Variants in SCML4 observed in about 807,000 individuals in gnomAD.
The protein encoded by SCML4 is Scm polycomb group protein like 4, also known as sex comb on midleg-like protein 4.
Under a neutral mutation model 41.1 loss-of-function variants are expected in SCML4, and 34 were observed. That is an observed-to-expected ratio of 0.83 (90% CI 0.63 to 1.10). The LOEUF is 1.10. SCML4 is among the 50% of genes least tolerant of loss of function. The probability of loss-of-function intolerance (pLI) is 0.00; values close to 1 mark genes in which losing one functional copy is unlikely to be tolerated. For synonymous variants in SCML4, 214 were observed against 220.9 expected (o/e 0.97, Z 0.28); for missense variants, 522 against 534.1 (o/e 0.98, Z 0.22).
intron 1 of SCML4, among the ~76,000 whole-genome samples, chr6:107,778,658 A>G (rs535273809): frequency 1.3e-5 from 2 of 152,332 alleles, no homozygotes; most frequent in East Asian, 3.9e-4. Context: ...AATCTAACAC[A>G]TATCAACCAA....
chr6:107,707,695 G>T (rs543685771), intron 7 of SCML4, among the ~76,000 whole-genome samples, 171 bp downstream of exon 7: 34 of 152,178 alleles, frequency 2.2e-4, no homozygotes, highest in Non-Finnish European at 4.4e-4. Context: ...AGGAGCCTGT[G>T]GTTGTACCTG....
At chr6:107,737,282 G>T (rs528502896) in intron 5 of SCML4, among the ~76,000 whole-genome samples, 39 of 152,184 alleles carry the variant, frequency 2.6e-4, no homozygotes, top group Admixed American at 5.9e-4. Flanking sequence ...ATTGGGGAAG[G>T]TTTACAGGGC....
chr6:107,721,790 C>T lies in SCML4; in HGVS notation c.683-797G>A, dbSNP rs370966516. 2.6e-4 allele frequency among the ~76,000 whole-genome samples: 39 copies of T among 152,246 alleles called. No individual in the cohort carries two copies. In the South Asian group the frequency reaches 5.4e-3, roughly 21 times the overall value. On this transcript the variant is annotated intron_variant, in intron 5 of 7. Coordinates refer to ENST00000369020, the MANE Select transcript of SCML4 (RefSeq NM_198081.5). ...CACACCTTTAGTCCTGATACAAACA[C>T]ATGAGGGCAGCCATCCTCCGCCACG...
chr6:107,725,220 T>C (rs1419901393), intron 5 of SCML4, among the ~76,000 whole-genome samples: 1 of 152,190 alleles, frequency 6.6e-6, no homozygotes, highest in African/African-American at 2.4e-5. Context: ...TAAAGACAAA[T>C]ATTTAAGGCG....
At chr6:107,808,232 G>T (rs1783888027) in intron 1 of SCML4, among the ~76,000 whole-genome samples, 1 of 152,130 alleles carries the variant, frequency 6.6e-6, no homozygotes, top group African/African-American at 2.4e-5. Flanking sequence ...ATGACAACTT[G>T]TTCTTGGCAA....
intron 1 of SCML4, among the ~76,000 whole-genome samples, chr6:107,804,752 G>A (rs1783595100): frequency 6.6e-6 from 1 of 152,138 alleles, no homozygotes; most frequent in African/African-American, 2.4e-5. Flanking sequence ...CAAGGCGGAA[G>A]GATTGCTTGA....
At position 107,702,581 on chromosome 6, in the gene SCML4, T is replaced by C. The variant is rs544311322; in HGVS notation, c.*2619A>G. Among the ~76,000 whole-genome samples, 20 of 152,318 alleles carry C rather than the reference T, an allele frequency of 1.3e-4. No homozygotes were observed. The highest frequency in any genetic ancestry group is 4.8e-4 in the African/African-American group (20 of 41,576). ...AAAAACCTGGATTGTTGTGGGATTT[T>C]TCTGGATCTCATTGTTTTCACCCTG... On this transcript the variant is annotated 3_prime_UTR_variant, in exon 8 of 8. Coordinates refer to ENST00000369020, the MANE Select transcript of SCML4 (RefSeq NM_198081.5).
At chr6:107,792,770 A>T (rs996246932) in intron 1 of SCML4, among the ~76,000 whole-genome samples, 3 of 151,926 alleles carry the variant, frequency 2.0e-5, no homozygotes, top group African/African-American at 7.3e-5. Flanking sequence ...TATCACCCCC[A>T]AATGTACCAA....
chr6:107,750,198 C>A (rs1275856766), intron 2 of SCML4, among the ~76,000 whole-genome samples: 5 of 152,198 alleles, frequency 3.3e-5, no homozygotes. Context: ...CCTGTATCCA[C>A]CCAACCAGAG....
chr6:107,743,100 G>A (rs538765213), intron 5 of SCML4, among the ~76,000 whole-genome samples: 1 of 152,224 alleles, frequency 6.6e-6, no homozygotes, highest in South Asian at 2.1e-4. Flanking sequence ...ATTCTTGTCT[G>A]TGTGATCTGA....
chr6:107,729,002 A>G (rs527928244), intron 5 of SCML4, among the ~76,000 whole-genome samples: 4 of 152,326 alleles, frequency 2.6e-5, no homozygotes, highest in South Asian at 4.1e-4. Context: ...GCTAAGCGTA[A>G]AAGTGACAGA....
At chr6:107,843,625 T>C in the SCML4 span, among the ~76,000 whole-genome samples, 3 of 152,208 alleles carry the variant, frequency 2.0e-5, no homozygotes, top group African/African-American at 7.2e-5. Context: ...CCACTGGCCC[T>C]GCCGGTAACA....
intron 5 of SCML4, among the ~76,000 whole-genome samples, chr6:107,736,324 T>C (rs1777062579): frequency 6.6e-6 from 1 of 152,226 alleles, no homozygotes. Flanking sequence ...TGTGGACATC[T>C]ATTGTGTGCA....
intron 1 of SCML4, among the ~76,000 whole-genome samples, chr6:107,782,425 G>T (rs927924208): frequency 6.6e-6 from 1 of 152,212 alleles, no homozygotes; most frequent in African/African-American, 2.4e-5. Flanking sequence ...GGCTGAGTGT[G>T]CCCCCTCCCT....
intron 1 of SCML4, among the ~76,000 whole-genome samples, chr6:107,773,176 T>C (rs1431403679): frequency 1.3e-5 from 2 of 152,172 alleles, no homozygotes; most frequent in Non-Finnish European, 2.9e-5. Flanking sequence ...GAAGCAGACA[T>C]GCTAAAATGC....
In SCML4 at chr6:107,746,904, G is replaced by A; in HGVS notation, c.287-15C>T. ...GTAGAGGCAGACTGCGGAGACAGAG[G>A]TCACAAAGCCCTCGGCATCAGGCGC... On this transcript the variant is annotated splice_polypyrimidine_tract_variant and intron_variant, in intron 3 of 7. Transcript: ENST00000369020. The A allele has an allele frequency of 6.2e-7, 1 of 1,603,224 alleles. No homozygotes were observed. Among genetic ancestry groups the A allele is most frequent in the Non-Finnish European group, 8.5e-7 (1 of 1,172,524 alleles).
intron 5 of SCML4, among the ~76,000 whole-genome samples, chr6:107,737,146 A>G (rs1456441144): frequency 6.6e-6 from 1 of 151,854 alleles, no homozygotes; most frequent in Non-Finnish European, 1.5e-5. Context: ...TCTGCTGGGG[A>G]CCCCCAGGTC....
At chr6:107,839,288 T>G in the SCML4 span, among the ~76,000 whole-genome samples, 1 of 135,258 alleles carries the variant, frequency 7.4e-6, no homozygotes, top group Non-Finnish European at 1.5e-5. Flanking sequence ...AGACAGACCC[T>G]GTCAAAAGAA....
At chr6:107,726,709 C>G (rs1366486549) in intron 5 of SCML4, among the ~76,000 whole-genome samples, 1 of 152,108 alleles carries the variant, frequency 6.6e-6, no homozygotes, top group Non-Finnish European at 1.5e-5. Context: ...CAATGAGTCA[C>G]CACTTCACAC....
Sources: gnomAD v4.1 joint callset for allele counts (sites outside exome capture counted in the v4.1 genomes callset) on GRCh38, gnomAD v4.1.1 for gene constraint, MANE v1.5 for transcripts, NCBI Gene and HGNC (gene_info 2026-07-23, HGNC 2026-07-21) for gene names.